The following AGMO variants were observed in gnomAD, a reference collection of about 807,000 sequenced individuals.
AGMO encodes the protein alkylglycerol monooxygenase.
Under a neutral mutation model 60.2 loss-of-function variants are expected in AGMO, and 75 were observed. The observed-to-expected ratio is 1.25, with a 90% CI of 1.03 to 1.51. AGMO has a LOEUF of 1.51. Ranked by LOEUF, AGMO falls within the 40% of genes most tolerant of loss-of-function variation. AGMO has a pLI of 0.00. For missense variants in AGMO, 763 were observed against 525.5 expected (o/e 1.45, Z -4.42); for synonymous variants, 261 against 177.1 (o/e 1.47, Z -3.76).
At chr7:15,204,160 T>C (rs1781380764) in intron 12 of AGMO, among the ~76,000 whole-genome samples, 1 of 152,100 alleles carries the variant, frequency 6.6e-6, no homozygotes, top group African/African-American at 2.4e-5. Flanking sequence ...TGTTTATATA[T>C]AAATATTACA....
At chr7:15,530,825 A>C (rs1018894896) in intron 3 of AGMO, among the ~76,000 whole-genome samples, 2 of 69,672 alleles carry the variant, frequency 2.9e-5, no homozygotes, top group African/African-American at 5.3e-5. Context: ...ATACATTTCT[A>C]TATATATTCT....
chr7:15,184,828 AGG>A, the AGMO span, among the ~76,000 whole-genome samples: 28 of 76,252 alleles, frequency 3.7e-4, no homozygotes, highest in African/African-American at 1.2e-3. Flanking sequence ...GAAGGAAGGA[AGG>A]AATGAAGGAA....
At chr7:15,421,577 A>C (rs538831231) in intron 4 of AGMO, among the ~76,000 whole-genome samples, 1 of 152,266 alleles carries the variant, frequency 6.6e-6, no homozygotes, top group African/African-American at 2.4e-5. Context: ...TGTTAAACAT[A>C]GGAGTTGAGA....
At chr7:15,255,112 A>G (rs1028669674) in intron 12 of AGMO, among the ~76,000 whole-genome samples, 6 of 152,202 alleles carry the variant, frequency 3.9e-5, no homozygotes, top group Admixed American at 3.3e-4. Flanking sequence ...ACAAGAACAG[A>G]AAACCAAACA....
At position 15,466,383 on chromosome 7, in the gene AGMO, T is replaced by A. The variant is rs1199446632; in HGVS notation, c.410-35275A>T. Among the ~76,000 whole-genome samples the A allele has an allele frequency of 3.9e-5, 6 of 152,156 alleles. No individual in the cohort carries two copies. The East Asian group carries it at 1.2e-3, about 29-fold the overall frequency. On this transcript the variant is annotated intron_variant, in intron 3 of 12. Coordinates refer to ENST00000342526, the MANE Select transcript of AGMO (RefSeq NM_001004320.2). ...TTGGTCTAGTGGAGAAGACAAGCAT[T>A]AATTTAATGATATAATGTAGTTAAT...
intron 12 of AGMO, among the ~76,000 whole-genome samples, chr7:15,272,355 C>T (rs1183437973): frequency 2.0e-5 from 3 of 148,748 alleles, no homozygotes; most frequent in Admixed American, 1.4e-4. Context: ...GTTCAATTCC[C>T]ACCTATGAGT....
intron 3 of AGMO, among the ~76,000 whole-genome samples, chr7:15,459,501 G>T (rs1471553689): frequency 1.3e-5 from 2 of 151,840 alleles, no homozygotes; most frequent in African/African-American, 2.4e-5. Context: ...ATCATCAAAG[G>T]TCCTGGAATG....
At chr7:15,270,760 T>G (rs1348359831) in intron 12 of AGMO, among the ~76,000 whole-genome samples, 1 of 151,604 alleles carries the variant, frequency 6.6e-6, no homozygotes, top group Admixed American at 6.6e-5. Context: ...GAGTTTTTCC[T>G]AAGTTTTCTT....
chr7:15,299,233 AATATAATAAC>A (rs1784488404), intron 12 of AGMO, among the ~76,000 whole-genome samples: 1 of 151,928 alleles, frequency 6.6e-6, no homozygotes, highest in Non-Finnish European at 1.5e-5. Context: ...TAAATATAAT[AATATAATAAC>A]AATATAATAT....
At chr7:15,510,099 G>A (rs1156878685) in intron 3 of AGMO, among the ~76,000 whole-genome samples, 1 of 152,162 alleles carries the variant, frequency 6.6e-6, no homozygotes, top group African/African-American at 2.4e-5. Context: ...GTATAGGGAA[G>A]AGATCAGCAG....
intron 10 of AGMO, among the ~76,000 whole-genome samples, chr7:15,371,725 T>C (rs930783766): frequency 2.0e-5 from 3 of 151,278 alleles, no homozygotes; most frequent in African/African-American, 7.3e-5. Flanking sequence ...TTTTTTTTTG[T>C]AGAGATGGGT....
intron 12 of AGMO, among the ~76,000 whole-genome samples, chr7:15,362,587 C>T (rs559535463): frequency 6.6e-6 from 1 of 152,212 alleles, no homozygotes; most frequent in African/African-American, 2.4e-5. Context: ...CGAAAAATTC[C>T]AGTGGCAAGT....
At chr7:15,524,315 T>A (rs1448555264) in intron 3 of AGMO, among the ~76,000 whole-genome samples, 1 of 152,106 alleles carries the variant, frequency 6.6e-6, no homozygotes, top group African/African-American at 2.4e-5. Context: ...AAAGGAATAA[T>A]AGATTTTTTA....
intron 3 of AGMO, among the ~76,000 whole-genome samples, chr7:15,493,624 C>T (rs534744128): frequency 2.5e-4 from 38 of 152,128 alleles, no homozygotes; most frequent in Non-Finnish European, 4.6e-4. Flanking sequence ...ATCCGCCCGC[C>T]TCGGCCTCCC....
chr7:15,225,331 A>G (rs1042923546), intron 12 of AGMO, among the ~76,000 whole-genome samples: 3 of 152,036 alleles, frequency 2.0e-5, no homozygotes, highest in African/African-American at 7.2e-5. Flanking sequence ...CTGTAAAAAT[A>G]TCCTTCAGTT....
chr7:15,241,799 G>A (rs199881443), intron 12 of AGMO, among the ~76,000 whole-genome samples: 2 of 152,124 alleles, frequency 1.3e-5, no homozygotes, highest in African/African-American at 2.4e-5. Context: ...CCTGGCTTAA[G>A]GTCTCAAAGG....
At chr7:15,459,599 T>TGTGTGTGTGTGTG (rs1554274867) in intron 3 of AGMO, among the ~76,000 whole-genome samples, 35,985 of 141,992 alleles carry the variant, frequency 0.25, 5,307 homozygotes, top group Non-Finnish European at 0.35. Context: ...GTATGTGCGT[T>TGTGTGTGTGTGTG]TGTGTGTGTG....
intron 12 of AGMO, among the ~76,000 whole-genome samples, chr7:15,248,623 G>T (rs981708214): frequency 9.2e-5 from 14 of 152,078 alleles, no homozygotes; most frequent in African/African-American, 3.1e-4. Context: ...CACAATTAAT[G>T]ACACTTGCTA....
chr7:15,125,773 G>T, the AGMO span, among the ~76,000 whole-genome samples: 1 of 151,982 alleles, frequency 6.6e-6, no homozygotes, highest in Non-Finnish European at 1.5e-5. Flanking sequence ...GCAGATCCTA[G>T]AACAAGCAAA....
Sources: gnomAD v4.1 joint callset for allele counts (sites outside exome capture counted in the v4.1 genomes callset) on GRCh38, gnomAD v4.1.1 for gene constraint, MANE v1.5 for transcripts, NCBI Gene and HGNC (gene_info 2026-07-23, HGNC 2026-07-21) for gene names.